NEMP2: variants seen among roughly 807,000 people sequenced by gnomAD.
The protein encoded by NEMP2 is nuclear envelope integral membrane protein 2.
NEMP2 carries 53 observed loss-of-function variants against 54.2 expected under a neutral mutation model. That is an observed-to-expected ratio of 0.98 (90% CI 0.78 to 1.23). The LOEUF is 1.23. Among genes scored for constraint, NEMP2 ranks in the 50% most tolerant of loss-of-function variants. NEMP2 has a pLI of 0.00. For synonymous variants in NEMP2, 197 were observed against 190.3 expected (o/e 1.04, Z -0.29); for missense variants, 455 against 511.3 (o/e 0.89, Z 1.06).
rs1230907178 is a variant in NEMP2, at chr2:190,529,618, G to C, written c.98-4240C>G. On this transcript the variant is annotated intron_variant, in intron 1 of 8. Transcript: ENST00000409150. The surrounding 1 kb of genome is among the most constrained non-coding windows in gnomAD (Gnocchi z 4.7). ...TACTCTGTCTCTCCATGAAGTCAGG[G>C]ACATTGCATGTTTATCACTGTAACC... 6.6e-6 allele frequency among the ~76,000 whole-genome samples: 1 copy of C among 152,114 alleles called. No homozygotes were observed. Among genetic ancestry groups the C allele is most frequent in the African/African-American group, 2.4e-5 (1 of 41,396 alleles).
rs542418000 is a variant in NEMP2 at position 190,517,106 on chromosome 2, A to T, written c.612+414T>A. Among the ~76,000 whole-genome samples the T allele has an allele frequency of 2.9e-3, 447 of 151,766 alleles. 6 individuals carry two copies. The highest frequency in any genetic ancestry group is 0.01 in the African/African-American group (419 of 41,388). On this transcript the variant is annotated intron_variant, in intron 5 of 8. Coordinates refer to ENST00000409150, the MANE Select transcript of NEMP2 (RefSeq NM_001142645.2). The stretch of plus-strand genomic sequence containing the variant: ...ACTGTGTCTCAAAAAAAAAAAAAAA[A>T]AAAAAGAAGGTGGGTTGGGGAACTA...
chr2:190,452,269 T>C, the NEMP2 span, among the ~76,000 whole-genome samples: 133,882 of 152,126 alleles, frequency 0.88, 59,719 homozygotes, highest in East Asian at 1. Flanking sequence ...ACAACAACAA[T>C]AACACAACAA....
the NEMP2 span, among the ~76,000 whole-genome samples, chr2:190,586,527 C>T: frequency 6.6e-6 from 1 of 152,092 alleles, no homozygotes; most frequent in Non-Finnish European, 1.5e-5. This position sits in a 1 kb window ranked among gnomAD's most constrained non-coding sequence, Gnocchi z 4.5. Context: ...CATCTCAGAT[C>T]TTTGTCCCCA....
At chr2:190,466,291 A>G in the NEMP2 span, among the ~76,000 whole-genome samples, 2 of 152,228 alleles carry the variant, frequency 1.3e-5, no homozygotes, top group African/African-American at 2.4e-5. Context: ...TGGTTCAGTC[A>G]TAACAGTGCA....
At chr2:190,620,244 T>C in the NEMP2 span, 4 of 152,280 alleles carry the variant, frequency 2.6e-5, no homozygotes, top group East Asian at 5.8e-4. The surrounding 1 kb of genome is among the most constrained non-coding windows in gnomAD (Gnocchi z 4.9). Context: ...ACTATCAAAA[T>C]TCATGCACAA....
chr2:190,529,499 G>A lies in NEMP2; in HGVS notation c.98-4121C>T, dbSNP rs1305206874. Among the ~76,000 whole-genome samples, 1 of 152,114 alleles carries A rather than the reference G, an allele frequency of 6.6e-6. No homozygotes were observed. The highest frequency in any genetic ancestry group is 1.9e-4 in the East Asian group (1 of 5,200). ...CTATCAAACACTCCCTTCTCAGAAA[G>A]GCCTTCTTTGACCCCACTGTCTAAA... On this transcript the variant is annotated intron_variant, in intron 1 of 8. Transcript: ENST00000409150. This position sits in a 1 kb window ranked among gnomAD's most constrained non-coding sequence, Gnocchi z 4.7.
rs1264039941 is a variant in NEMP2 at position 190,507,651 on chromosome 2, A to G, written c.*1538T>C. On this transcript the variant is annotated 3_prime_UTR_variant, in exon 9 of 9. Coordinates refer to ENST00000409150, the MANE Select transcript of NEMP2 (RefSeq NM_001142645.2). This position sits in a 1 kb window ranked among gnomAD's most constrained non-coding sequence, Gnocchi z 4.4. ...TATAAAGGCAGATTAACTTTAGTGG[A>G]TATTACAAAAAAAAAAGTTCCCAGT... The G allele has an allele frequency of 1.3e-5, 2 of 152,076 alleles. No homozygotes were observed. Among genetic ancestry groups the G allele is most frequent in the African/African-American group, 4.8e-5 (2 of 41,420 alleles). The allele number at this position is 152,076 out of a possible 1,614,324, so 9.4% of individuals were successfully genotyped here. A position where few individuals can be genotyped will look rare whatever the true frequency, so the allele number is the denominator to read the frequency against.
the NEMP2 span, chr2:190,497,413 T>C: frequency 1.1e-4 from 177 of 1,599,664 alleles, 3 homozygotes; most frequent in East Asian, 6.0e-4. The surrounding 1 kb of genome is among the most constrained non-coding windows in gnomAD (Gnocchi z 5.2). Flanking sequence ...GCTGAAAAAA[T>C]AGTTTAAACA....
chr2:190,488,740 G>A, the NEMP2 span: 1 of 1,610,450 alleles, frequency 6.2e-7, no homozygotes, highest in South Asian at 1.1e-5. This position sits in a 1 kb window ranked among gnomAD's most constrained non-coding sequence, Gnocchi z 6.4. Flanking sequence ...ATCTGCTCAG[G>A]GCATCCTGCA....
At position 190,533,126 on chromosome 2, in the gene NEMP2, T is replaced by C. The variant is rs1378833437; in HGVS notation, c.97+1433A>G. Among the ~76,000 whole-genome samples the C allele has an allele frequency of 6.6e-6, 1 of 152,176 alleles. No individual in the cohort carries two copies. Among genetic ancestry groups the C allele is most frequent in the Non-Finnish European group, 1.5e-5 (1 of 68,048 alleles). ...TACTGGAAACTCTTCAGTAAAAACA[T>C]CTTCATTTTACTCAAGAGAAAACTA... On this transcript the variant is annotated intron_variant, in intron 1 of 8. Transcript: ENST00000409150. This position sits in a 1 kb window ranked among gnomAD's most constrained non-coding sequence, Gnocchi z 4.3.
the NEMP2 span, among the ~76,000 whole-genome samples, chr2:190,627,397 C>CTTT: frequency 6.6e-6 from 1 of 152,088 alleles, no homozygotes; most frequent in Non-Finnish European, 1.5e-5. The surrounding 1 kb of genome is among the most constrained non-coding windows in gnomAD (Gnocchi z 4.4). Flanking sequence ...TTACTCTGAC[C>CTTT]ATTCACAAAA....
chr2:190,451,985 C>T, the NEMP2 span, among the ~76,000 whole-genome samples: 1 of 152,148 alleles, frequency 6.6e-6, no homozygotes, highest in African/African-American at 2.4e-5. The surrounding 1 kb of genome is among the most constrained non-coding windows in gnomAD (Gnocchi z 5.0). Flanking sequence ...AGAGAAATTA[C>T]AAGCTGTGCT....
chr2:190,463,623 C>A, the NEMP2 span, among the ~76,000 whole-genome samples: 1 of 152,108 alleles, frequency 6.6e-6, no homozygotes, highest in Non-Finnish European at 1.5e-5. This position sits in a 1 kb window ranked among gnomAD's most constrained non-coding sequence, Gnocchi z 4.4. Flanking sequence ...GAGTTCATGA[C>A]CAGCCTGGGC....
chr2:190,474,956 A>C, the NEMP2 span, among the ~76,000 whole-genome samples: 1 of 152,266 alleles, frequency 6.6e-6, no homozygotes, highest in Admixed American at 6.5e-5. Flanking sequence ...ACAGAACCAA[A>C]GACAAAAATC....
chr2:190,554,537 C>A, the NEMP2 span, among the ~76,000 whole-genome samples: 30 of 152,314 alleles, frequency 2.0e-4, no homozygotes, highest in East Asian at 7.7e-4. This position sits in a 1 kb window ranked among gnomAD's most constrained non-coding sequence, Gnocchi z 5.7. Flanking sequence ...ACAAAGCCAC[C>A]AGGAATTTCA....
At chr2:190,467,504 T>C in the NEMP2 span, among the ~76,000 whole-genome samples, 1 of 152,110 alleles carries the variant, frequency 6.6e-6, no homozygotes, top group Non-Finnish European at 1.5e-5. The surrounding 1 kb of genome is among the most constrained non-coding windows in gnomAD (Gnocchi z 5.5). Flanking sequence ...TCCCAGCTAG[T>C]CAGGAGGCTG....
intron 4 of NEMP2, among the ~76,000 whole-genome samples, chr2:190,518,366 G>A (rs372674876): frequency 2.0e-5 from 3 of 152,252 alleles, no homozygotes; most frequent in African/African-American, 7.2e-5. Context: ...AATAGAGCAA[G>A]GTGTGTGGAC....
Position 190,510,578 on chromosome 2 carries a change from AATCCTT to A in NEMP2, c.954-47_954-42del. The A allele has an allele frequency of 6.5e-7, 1 of 1,547,268 alleles. No individual in the cohort carries two copies. On this transcript the variant is annotated intron_variant, in intron 7 of 8. Transcript: ENST00000409150. This position sits in a 1 kb window ranked among gnomAD's most constrained non-coding sequence, Gnocchi z 5.7. ...TGGTTGCAGGATTACTTCCTAATTC[AATCCTT>A]AAGATTTACAAAAATAGGCCAGGCT...
the NEMP2 span, among the ~76,000 whole-genome samples, chr2:190,561,494 A>G: frequency 6.6e-6 from 1 of 152,188 alleles, no homozygotes; most frequent in Admixed American, 6.5e-5. The surrounding 1 kb of genome is among the most constrained non-coding windows in gnomAD (Gnocchi z 5.4). Flanking sequence ...GTCTTTTTCT[A>G]TGCAAGTCTA....
Sources: allele counts gnomAD v4.1 joint callset (sites outside exome capture counted in the v4.1 genomes callset), GRCh38; gene constraint gnomAD v4.1.1; non-coding constraint Gnocchi (gnomAD v3.1); transcripts MANE v1.5; gene names NCBI Gene and HGNC (gene_info 2026-07-23, HGNC 2026-07-21).